MED12L: variants seen among roughly 807,000 people sequenced by gnomAD.
MED12L encodes the protein mediator complex subunit 12L.
A neutral mutation model predicts 281.3 loss-of-function variants in MED12L; 60 were observed. That is an observed-to-expected ratio of 0.21 (90% confidence interval 0.17 to 0.26). MED12L has a LOEUF of 0.26. Ranked by LOEUF, MED12L falls within the 10% of genes least tolerant of loss-of-function variation. The pLI is 1.00. For missense variants in MED12L, 2,146 were observed against 2,680.9 expected, an observed-to-expected ratio of 0.80 and a Z score of 4.41; for synonymous variants, 974 against 987.2, an observed-to-expected ratio of 0.99 and a Z score of 0.25.
intron 16 of MED12L, among the ~76,000 whole-genome samples, chr3:151,224,074 A>T (rs1214686465): frequency 6.6e-6 from 1 of 152,204 alleles, no homozygotes; most frequent in Non-Finnish European, 1.5e-5. Flanking sequence ...TATCAACATT[A>T]GTGTCTGCAC....
chr3:151,433,705 T>G lies in MED12L; in HGVS notation c.*901T>G, dbSNP rs1293075470. On this transcript the variant is annotated 3_prime_UTR_variant, in exon 45 of 45. Transcript: ENST00000687756. ...TCCAGTAGCTGGCTTGAGATTCCAG[T>G]GCTCACACTTGACATGGTTTCCAGA... The G allele has an allele frequency of 6.6e-6, 1 of 152,662 alleles. No homozygotes were observed. The highest frequency in any genetic ancestry group is 2.4e-5 in the African/African-American group (1 of 41,466). The allele number at this position is 152,662 out of a possible 1,614,324, so 9.5% of individuals were successfully genotyped here.
intron 16 of MED12L, chr3:151,294,759 C>T (rs1275779551): frequency 6.2e-7 from 1 of 1,614,168 alleles, no homozygotes; most frequent in Non-Finnish European, 8.5e-7. Flanking sequence ...CAAACACAAA[C>T]AGATAAAACC....
intron 11 of MED12L, among the ~76,000 whole-genome samples, chr3:151,182,440 TAGC>T (rs1357966285): frequency 1.3e-5 from 2 of 152,232 alleles, no homozygotes; most frequent in Non-Finnish European, 1.5e-5. Flanking sequence ...CATTTTCAGA[TAGC>T]AGCATTCACT....
At chr3:151,101,792 A>G (rs146283416) in intron 2 of MED12L, among the ~76,000 whole-genome samples, 10 of 152,264 alleles carry the variant, frequency 6.6e-5, no homozygotes, top group African/African-American at 2.2e-4. Context: ...TGTGGGAGAC[A>G]GTGGAGTCGG....
intron 5 of MED12L, among the ~76,000 whole-genome samples, chr3:151,137,673 A>G (rs1189785918): frequency 6.6e-6 from 1 of 152,116 alleles, no homozygotes; most frequent in Non-Finnish European, 1.5e-5. Context: ...CTTCAATTTT[A>G]TGTTTATTTC....
intron 43 of MED12L, among the ~76,000 whole-genome samples, chr3:151,418,894 A>C (rs1327570187): frequency 3.3e-5 from 5 of 152,116 alleles, no homozygotes; most frequent in African/African-American, 1.2e-4. Context: ...ATATTTGTAC[A>C]TATTTATGTA....
intron 28 of MED12L, 34 bp from the exon 29 acceptor site, chr3:151,376,766 C>G: frequency 6.6e-7 from 1 of 1,525,860 alleles, no homozygotes; most frequent in Non-Finnish European, 9.1e-7. Flanking sequence ...ACATTTGATA[C>G]CCATAATGTT....
At chr3:151,376,583 C>T (rs1016519991) in intron 28 of MED12L, among the ~76,000 whole-genome samples, 1 of 152,054 alleles carries the variant, frequency 6.6e-6, no homozygotes, top group African/African-American at 2.4e-5. Flanking sequence ...CTGAGTCAGG[C>T]ACAGTATTAA....
At position 151,350,164 on chromosome 3, in the gene MED12L, A is replaced by C. The variant is rs1753043314; in HGVS notation, c.2356A>C (p.Ile786Leu). 1 of 1,613,774 alleles carries C rather than the reference A, an allele frequency of 6.2e-7. No individual in the cohort carries two copies. ...RHQLKKITKD[I>L]LKILNKKSTT... ...TCAGCTGAAGAAGATTACCAAAGATATCCTGAAAATTCTAAATAAGAAGAG... is the reference window on the plus strand; with the variant it reads ...TCAGCTGAAGAAGATTACCAAAGATCTCCTGAAAATTCTAAATAAGAAGAG... The change falls in exon 17 of 45, where the codon ATC (isoleucine) becomes CTC (leucine). Residue 786 changes from isoleucine to leucine, a missense_variant. Physicochemically the swap from Ile to Leu is conservative, Grantham distance 5. Around this residue, in one of 9 missense-constraint regions of MED12L, gnomAD observed 404 missense variants for 603.5 expected, o/e 0.67. Coordinates refer to ENST00000687756, the MANE Select transcript of MED12L (RefSeq NM_001393769.1).
In MED12L at chr3:151,367,742, G is replaced by A. The variant is rs777002012; in HGVS notation, c.3424G>A (p.Ala1142Thr). ...FSLEDVVQHV[A>T]LPSLLAAACG... ...CCTGGAGGACGTCGTGCAGCATGTC[G>A]CACTTCCCTCTCTTCTAGCAGCAGG... is the stretch of plus-strand genomic sequence containing the variant. Residue 1142 changes from alanine (A) to threonine (T), a missense_variant, in exon 24 of 45, where the codon GCA (alanine) becomes ACA (threonine). By Grantham distance (58) the Ala-to-Thr change is moderately conservative. Transcript: ENST00000687756. 8 of 1,610,068 alleles carry A rather than the reference G, an allele frequency of 5.0e-6. No homozygotes were observed. Among genetic ancestry groups the A allele is most frequent in the Admixed American group, 1.7e-5 (1 of 59,638 alleles).
chr3:151,193,965 C>CTTTTTTTTTT (rs34461662), intron 16 of MED12L, among the ~76,000 whole-genome samples: 1 of 123,510 alleles, frequency 8.1e-6, no homozygotes, highest in Non-Finnish European at 1.6e-5. Context: ...TTTTTCTTTT[C>CTTTTTTTTTT]TTTTTTTTTT....
rs1178988922 is a variant in MED12L, at chr3:151,433,796, A to G, written c.*992A>G. 6.6e-6 allele frequency: 1 copy of G among 152,610 alleles called. No homozygotes were observed. Among genetic ancestry groups the G allele is most frequent in the East Asian group, 1.9e-4 (1 of 5,204 alleles). The allele number at this position is 152,610 out of a possible 1,614,324, so 9.5% of individuals were successfully genotyped here. A position where few individuals can be genotyped will look rare whatever the true frequency, so the allele number is the denominator to read the frequency against. ...AAGGTGTATTTGCTGTTTATTTTGT[A>G]TGGTAAGTATTTGCTCTTTTGAATT... On this transcript the variant is annotated 3_prime_UTR_variant, in exon 45 of 45. Coordinates refer to ENST00000687756, the MANE Select transcript of MED12L (RefSeq NM_001393769.1).
At chr3:151,088,968 G>A (rs1719657947) in intron 2 of MED12L, among the ~76,000 whole-genome samples, 1 of 152,106 alleles carries the variant, frequency 6.6e-6, no homozygotes, top group Non-Finnish European at 1.5e-5. Context: ...GCCAAATTTG[G>A]GTACAATATG....
At chr3:151,209,482 C>T (rs540571403) in intron 16 of MED12L, among the ~76,000 whole-genome samples, 3 of 152,196 alleles carry the variant, frequency 2.0e-5, no homozygotes, top group East Asian at 3.9e-4. Flanking sequence ...TGTCTTGAAA[C>T]GGTAATCCAC....
chr3:151,125,561 TTA>T (rs1714390882), intron 4 of MED12L, among the ~76,000 whole-genome samples: 1 of 152,240 alleles, frequency 6.6e-6, no homozygotes, highest in Non-Finnish European at 1.5e-5. Flanking sequence ...TTGCGCTTGT[TTA>T]TGTTTTAGGC....
chr3:151,406,574 C>T (rs955164515), intron 39 of MED12L, among the ~76,000 whole-genome samples: 1 of 152,180 alleles, frequency 6.6e-6, no homozygotes, highest in Non-Finnish European at 1.5e-5. Flanking sequence ...TTGGGACAAA[C>T]TGGTGGTCAG....
chr3:151,304,782 T>A (rs1408639782), intron 16 of MED12L, among the ~76,000 whole-genome samples: 1 of 152,128 alleles, frequency 6.6e-6, no homozygotes, highest in East Asian at 1.9e-4. Context: ...ATAGGTTGAC[T>A]GCGAGGTTAA....
At chr3:151,108,190 C>T (rs1711495897) in intron 2 of MED12L, among the ~76,000 whole-genome samples, 1 of 124,462 alleles carries the variant, frequency 8.0e-6, no homozygotes, top group African/African-American at 3.0e-5. Context: ...GTGTGCGGAG[C>T]AGTAGCCGAA....
intron 11 of MED12L, among the ~76,000 whole-genome samples, chr3:151,171,544 G>A (rs895733609): frequency 1.1e-4 from 16 of 152,196 alleles, no homozygotes. Flanking sequence ...CAGCATGTGT[G>A]TTTCCTCCTT....
Sources: gnomAD v4.1 joint callset for allele counts (sites outside exome capture counted in the v4.1 genomes callset) on GRCh38, gnomAD v4.1.1 for gene constraint, gnomAD v4.1.1 regional missense constraint, MANE v1.5 for transcripts, NCBI Gene and HGNC (gene_info 2026-07-23, HGNC 2026-07-21) for gene names.